Variants in PCDHGA10 observed in about 807,000 individuals in gnomAD.
PCDHGA10 encodes protocadherin gamma-A10.
PCDHGA10 carries 42 observed loss-of-function variants against 59.5 expected under a neutral mutation model. The ratio of observed to expected loss-of-function variants is 0.71; its 90% CI spans 0.55 to 0.91. The LOEUF (loss-of-function observed/expected upper bound fraction) is 0.91. Ranked by LOEUF, PCDHGA10 falls within the 40% of genes least tolerant of loss-of-function variation. The pLI is 0.00. For missense variants in PCDHGA10, 1,111 were observed against 1,198.2 expected (o/e 0.93, Z 1.07); for synonymous variants, 511 against 517.2 (o/e 0.99, Z 0.16).
At chr5:141,505,296 G>A (rs1174492966) in intron 2 of PCDHGA10, 97 bp from the exon 3 acceptor site, 1 of 1,584,850 alleles carries the variant, frequency 6.3e-7, no homozygotes, top group Non-Finnish European at 8.6e-7. Context: ...ATGGGGTAGG[G>A]TTAGGGTACT....
chr5:141,417,833 G>A (rs968698994), intron 1 of PCDHGA10: 8 of 1,529,614 alleles, frequency 5.2e-6, no homozygotes, highest in Middle Eastern at 1.7e-4. Context: ...TGGAAAAGCG[G>A]GGACCCAGCG....
Position 141,413,736 on chromosome 5 carries a change from G to C in PCDHGA10, c.561G>C (p.Gln187His). The C allele has an allele frequency of 6.2e-7, 1 of 1,613,452 alleles. No individual in the cohort carries two copies. Among genetic ancestry groups the C allele is most frequent in the South Asian group, 1.1e-5 (1 of 91,078 alleles). ...ATAAGCACTTCTCCCTAAGAGTTCA[G>C]AGCCGTGCCAATGGCGTCAAGTACC... is the stretch of plus-strand genomic sequence containing the variant. ...SPNKHFSLRV[Q>H]SRANGVKYPE... The change falls in exon 1 of 4, where the codon CAG becomes CAC. Residue 187 changes from glutamine to histidine, a missense_variant. Physicochemically the swap from Gln to His is conservative, Grantham distance 24. Transcript: ENST00000398610.
intron 2 of PCDHGA10, among the ~76,000 whole-genome samples, chr5:141,496,352 G>A (rs2099768243): frequency 2.0e-5 from 3 of 152,200 alleles, no homozygotes; most frequent in South Asian, 2.1e-4. Context: ...GAGTCTCAGA[G>A]CCCAGGGAGA....
chr5:141,496,993 C>G (rs981547671), intron 2 of PCDHGA10, among the ~76,000 whole-genome samples: 1 of 151,910 alleles, frequency 6.6e-6, no homozygotes, highest in South Asian at 2.1e-4. Flanking sequence ...TGAGACCAGC[C>G]TGGCAGCCAA....
At chr5:141,465,184 A>G (rs866520508) in intron 1 of PCDHGA10, among the ~76,000 whole-genome samples, 2 of 152,130 alleles carry the variant, frequency 1.3e-5, no homozygotes, top group Admixed American at 6.5e-5. Flanking sequence ...ATTTAATTAA[A>G]AGATAAAAAT....
chr5:141,461,392 A>G (rs781666201), intron 1 of PCDHGA10, among the ~76,000 whole-genome samples: 18 of 152,178 alleles, frequency 1.2e-4, no homozygotes, highest in Non-Finnish European at 2.2e-4. Context: ...ATGATTAGCG[A>G]TGTTGAGCAT....
intron 1 of PCDHGA10, chr5:141,433,165 C>T: frequency 2.5e-6 from 4 of 1,613,470 alleles, no homozygotes; most frequent in Non-Finnish European, 2.5e-6. Context: ...TTTCTAAAGA[C>T]AGTCATGGGT....
At chr5:141,429,848 C>T (rs567448097) in intron 1 of PCDHGA10, among the ~76,000 whole-genome samples, 25 of 152,228 alleles carry the variant, frequency 1.6e-4, no homozygotes, top group African/African-American at 5.8e-4. Context: ...AAGTCTGTAA[C>T]ATTCTTTGGA....
At position 141,477,269 on chromosome 5, in the gene PCDHGA10, G is replaced by A; in HGVS notation, c.2437-17538G>A. On this transcript the variant is annotated intron_variant, in intron 1 of 3. Coordinates refer to ENST00000398610, the MANE Select transcript of PCDHGA10 (RefSeq NM_018913.3). This position sits in a 1 kb window ranked among gnomAD's most constrained non-coding sequence, Gnocchi z 4.9. Reference sequence around the variant, plus strand: ...GACTGACCTGGATGCTGGCGAGAACGGGCTGGTGACCTGCGAAGTTCCACC... The same window carrying A: ...GACTGACCTGGATGCTGGCGAGAACAGGCTGGTGACCTGCGAAGTTCCACC... 1.9e-6 allele frequency: 3 copies of A among 1,614,154 alleles called. No individual in the cohort carries two copies. Among genetic ancestry groups the A allele is most frequent in the Non-Finnish European group, 2.5e-6 (3 of 1,180,030 alleles).
chr5:141,511,632 G>A lies in PCDHGA10; in HGVS notation c.*459G>A, dbSNP rs1388627906. The A allele has an allele frequency of 8.6e-6, 2 of 231,934 alleles. No homozygotes were observed. The highest frequency in any genetic ancestry group is 5.1e-5 in the Admixed American group (1 of 19,634). 14.4% of individuals were successfully genotyped at this position (231,934 alleles called of 1,614,324 possible). A position where few individuals can be genotyped will look rare whatever the true frequency, so the allele number is the denominator to read the frequency against. On this transcript the variant is annotated 3_prime_UTR_variant, in exon 4 of 4. Transcript: ENST00000398610. ...CCTCCTAGTTCTGAAAAGTTGGAAG[G>A]GCATCATGACCTCTTGGCCTCTCCT...
intron 2 of PCDHGA10, among the ~76,000 whole-genome samples, chr5:141,503,361 C>T (rs1021880248): frequency 6.6e-6 from 1 of 151,886 alleles, no homozygotes; most frequent in Non-Finnish European, 1.5e-5. Context: ...CTTTGGGAAG[C>T]GGAGGCAGGT....
chr5:141,423,517 T>A (rs750915364), intron 1 of PCDHGA10: 1 of 1,613,834 alleles, frequency 6.2e-7, no homozygotes, highest in Admixed American at 1.7e-5. Context: ...CATTGCGGAC[T>A]CGCAGAAGAG....
intron 1 of PCDHGA10, among the ~76,000 whole-genome samples, chr5:141,464,886 A>T (rs541933775): frequency 5.2e-4 from 79 of 152,156 alleles, no homozygotes; most frequent in African/African-American, 1.9e-3. Flanking sequence ...CTACAGATGG[A>T]TGCCACCATG....
In PCDHGA10 at chr5:141,486,574, C is replaced by T. The variant is rs1435813800; in HGVS notation, c.2437-8233C>T. On this transcript the variant is annotated intron_variant, in intron 1 of 3. Transcript: ENST00000398610. This position sits in a 1 kb window ranked among gnomAD's most constrained non-coding sequence, Gnocchi z 5.0. ...CACATGAGGTGTTTGTTCCTGAGAACAATCGCCCAGGGGACCTGCTTTGCT... is the reference window on the plus strand; with the variant it reads ...CACATGAGGTGTTTGTTCCTGAGAATAATCGCCCAGGGGACCTGCTTTGCT... The T allele has an allele frequency of 1.9e-6, 3 of 1,613,868 alleles. No homozygotes were observed. Among genetic ancestry groups the T allele is most frequent in the Non-Finnish European group, 2.5e-6 (3 of 1,180,002 alleles).
In PCDHGA10 at chr5:141,487,608, G is replaced by T; in HGVS notation, c.2437-7199G>T. 1 of 1,614,182 alleles carries T rather than the reference G, an allele frequency of 6.2e-7. No individual in the cohort carries two copies. The highest frequency in any genetic ancestry group is 8.5e-7 in the Non-Finnish European group (1 of 1,180,042). On this transcript the variant is annotated intron_variant, in intron 1 of 3. Coordinates refer to ENST00000398610, the MANE Select transcript of PCDHGA10 (RefSeq NM_018913.3). The surrounding 1 kb of genome is among the most constrained non-coding windows in gnomAD (Gnocchi z 5.0). ...TGCCCACCCTCTGATCTTCTCTATG[G>T]GCTAGAGGTGAGACCTTTGCAGGCT...
At chr5:141,505,532 G>A in intron 3 of PCDHGA10, 51 bp downstream of exon 3, 2 of 1,611,270 alleles carry the variant, frequency 1.2e-6, no homozygotes, top group Non-Finnish European at 1.7e-6. Context: ...GGGGTTCTGG[G>A]GTGCATCTCA....
chr5:141,494,929 GGA>G, intron 2 of PCDHGA10, 64 bp downstream of exon 2: 1 of 1,613,142 alleles, frequency 6.2e-7, no homozygotes, highest in Non-Finnish European at 8.5e-7. Flanking sequence ...TGACGTGGGA[GGA>G]GATGGGGGAG....
intron 1 of PCDHGA10, among the ~76,000 whole-genome samples, chr5:141,461,906 C>A (rs2154567542): frequency 6.6e-6 from 1 of 152,270 alleles, no homozygotes; most frequent in South Asian, 2.1e-4. Context: ...TCACTGCAAC[C>A]TCTGCCTCCT....
intron 1 of PCDHGA10, chr5:141,419,230 C>G (rs1439568232): frequency 6.2e-7 from 1 of 1,613,910 alleles, no homozygotes; most frequent in Non-Finnish European, 8.5e-7. Context: ...AGTCAGCCTA[C>G]CTGGTCCACG....
Sources: allele counts gnomAD v4.1 joint callset (sites outside exome capture counted in the v4.1 genomes callset), GRCh38; gene constraint gnomAD v4.1.1; non-coding constraint Gnocchi (gnomAD v3.1); transcripts MANE v1.5; gene names NCBI Gene and HGNC (gene_info 2026-07-23, HGNC 2026-07-21).